Variants in MMP26 observed in about 807,000 individuals in gnomAD.
The protein encoded by MMP26 is matrix metalloproteinase-26.
MMP26 carries 33 observed loss-of-function variants against 31.0 expected under a neutral mutation model. The observed-to-expected ratio is 1.06, with a 90% CI of 0.81 to 1.42. The LOEUF is 1.42. MMP26 is among the 40% of genes most tolerant of loss of function. MMP26 has a pLI of 0.00. For missense variants in MMP26, 347 were observed against 316.1 expected (o/e 1.10, Z -0.74); for synonymous variants, 122 against 114.9 (o/e 1.06, Z -0.40).
At chr11:4,878,907 C>A (rs189717585) in intron 2 of MMP26, among the ~76,000 whole-genome samples, 1 of 151,930 alleles carries the variant, frequency 6.6e-6, no homozygotes, top group Non-Finnish European at 1.5e-5. Context: ...GTGACTCATA[C>A]GTATATAGTG....
chr11:4,801,613 G>A (rs1735601103), intron 2 of MMP26, among the ~76,000 whole-genome samples: 1 of 151,716 alleles, frequency 6.6e-6, no homozygotes, highest in South Asian at 2.1e-4. Flanking sequence ...CATGATCTCT[G>A]CTCACCGCAA....
rs182467239 is a variant in MMP26, at chr11:4,948,164, A to G, written c.-144-39904A>G. Among the ~76,000 whole-genome samples the G allele has an allele frequency of 1.3e-4, 16 of 125,096 alleles. 5 individuals carry two copies. The highest frequency in any genetic ancestry group is 1.2e-3 in the Admixed American group (13 of 11,240). 82.1% of individuals were successfully genotyped at this position (125,096 alleles called of 152,430 possible). On this transcript the variant is annotated intron_variant, in intron 2 of 7. Coordinates refer to ENST00000380390, the MANE Select transcript of MMP26 (RefSeq NM_021801.5). ...CAAATCTTCCCTGTTTAAGGGACCT[A>G]CTTCGGTAATAAGACTTTATGTTTA...
At chr11:4,914,570 A>C in intron 2 of MMP26, 1 of 614,822 alleles carries the variant, frequency 1.6e-6, no homozygotes, top group Non-Finnish European at 2.9e-6. Context: ...GCCACAACAG[A>C]GTGAGGGTTC....
At chr11:4,925,329 A>G (rs1851255148) in intron 2 of MMP26, among the ~76,000 whole-genome samples, 1 of 152,228 alleles carries the variant, frequency 6.6e-6, no homozygotes, top group African/African-American at 2.4e-5. Flanking sequence ...AGAAGAGAAC[A>G]TTAAAAAAAT....
intron 2 of MMP26, among the ~76,000 whole-genome samples, chr11:4,826,381 T>G (rs17328371): frequency 1.3e-5 from 2 of 152,018 alleles, no homozygotes; most frequent in Non-Finnish European, 2.9e-5. Flanking sequence ...GGGCCCCTGA[T>G]GTGCACACAG....
chr11:4,779,271 G>A (rs914623780), intron 2 of MMP26, among the ~76,000 whole-genome samples: 1 of 151,962 alleles, frequency 6.6e-6, no homozygotes, highest in African/African-American at 2.4e-5. Context: ...AAGTTACCAT[G>A]AATATCAATT....
intron 1 of MMP26, among the ~76,000 whole-genome samples, chr11:4,709,170 A>C (rs1847824466): frequency 6.6e-6 from 1 of 152,214 alleles, no homozygotes; most frequent in Non-Finnish European, 1.5e-5. Context: ...GAAGAAAAGC[A>C]GGGTGAATTT....
At chr11:4,819,927 A>G (rs746494941) in intron 2 of MMP26, among the ~76,000 whole-genome samples, 3 of 152,110 alleles carry the variant, frequency 2.0e-5, no homozygotes, top group Non-Finnish European at 4.4e-5. Flanking sequence ...CATAGTGGAT[A>G]TAGCCTGGAT....
At chr11:4,921,518 C>A (rs954245650) in intron 2 of MMP26, among the ~76,000 whole-genome samples, 5 of 152,152 alleles carry the variant, frequency 3.3e-5, no homozygotes, top group African/African-American at 1.2e-4. Flanking sequence ...AGTGTAGTTA[C>A]GGAAGGTTTC....
chr11:4,811,958 A>T (rs111446223), intron 2 of MMP26, among the ~76,000 whole-genome samples: 4,167 of 152,220 alleles, frequency 0.027, 87 homozygotes, highest in Non-Finnish European at 0.039. Flanking sequence ...TCCAGGATGC[A>T]CTGAGGACTC....
intron 2 of MMP26, among the ~76,000 whole-genome samples, chr11:4,886,232 G>T (rs574603453): frequency 6.6e-6 from 1 of 152,102 alleles, no homozygotes; most frequent in East Asian, 1.9e-4. Flanking sequence ...ATAACTGTTG[G>T]TCTCCTTGTG....
At chr11:4,803,530 A>G (rs764139374) in intron 2 of MMP26, 1 of 1,614,068 alleles carries the variant, frequency 6.2e-7, no homozygotes, top group African/African-American at 1.3e-5. Context: ...AGGTATCAGT[A>G]GATAGAGATT....
chr11:4,856,180 C>T (rs1850049481), intron 2 of MMP26, among the ~76,000 whole-genome samples: 1 of 152,156 alleles, frequency 6.6e-6, no homozygotes, highest in Admixed American at 6.5e-5. Flanking sequence ...GCAAAATAAC[C>T]AGCTAACATC....
chr11:4,958,268 G>A (rs191676439), intron 2 of MMP26, among the ~76,000 whole-genome samples: 8 of 152,224 alleles, frequency 5.3e-5, no homozygotes, highest in African/African-American at 1.9e-4. Flanking sequence ...ACAATTTTTC[G>A]AAATAATTCC....
chr11:4,759,135 A>AAAAAAAG (rs1262302875), intron 1 of MMP26, among the ~76,000 whole-genome samples: 2 of 143,780 alleles, frequency 1.4e-5, no homozygotes, highest in African/African-American at 5.3e-5. Flanking sequence ...AAAAAAAAAA[A>AAAAAAAG]GACAAAAAAT....
At chr11:4,834,226 G>C (rs1388662408) in intron 2 of MMP26, among the ~76,000 whole-genome samples, 1 of 152,026 alleles carries the variant, frequency 6.6e-6, no homozygotes, top group African/African-American at 2.4e-5. Flanking sequence ...TCTTCCCTTG[G>C]ATGCTGCCTT....
chr11:4,873,167 A>G (rs969841726), intron 2 of MMP26, among the ~76,000 whole-genome samples: 7 of 152,122 alleles, frequency 4.6e-5, no homozygotes, highest in African/African-American at 1.7e-4. Flanking sequence ...ATCTTAAGGA[A>G]TCAGGGGCCT....
chr11:4,770,597 G>C (rs1848703075), intron 2 of MMP26, among the ~76,000 whole-genome samples: 1 of 152,162 alleles, frequency 6.6e-6, no homozygotes, highest in Non-Finnish European at 1.5e-5. Flanking sequence ...TGTAATCCCA[G>C]CACTTTGGAG....
intron 2 of MMP26, chr11:4,924,103 T>G: frequency 6.2e-7 from 1 of 1,614,022 alleles, no homozygotes; most frequent in East Asian, 2.2e-5. Flanking sequence ...CAGTGGGCAG[T>G]GTGGAAAGGC....
Sources: allele counts gnomAD v4.1 joint callset (sites outside exome capture counted in the v4.1 genomes callset), GRCh38; gene constraint gnomAD v4.1.1; transcripts MANE v1.5; gene names NCBI Gene and HGNC (gene_info 2026-07-23, HGNC 2026-07-21).